The following TECTA variants were observed in gnomAD, a reference collection of about 807,000 sequenced individuals.
The protein encoded by TECTA is alpha-tectorin.
Under a neutral mutation model 216.8 loss-of-function variants are expected in TECTA, and 128 were observed. The observed-to-expected ratio is 0.59, with a 90% CI of 0.51 to 0.68. The LOEUF (loss-of-function observed/expected upper bound fraction) is 0.68, where lower values mean the gene tolerates loss of function less well. Among genes scored for constraint, TECTA ranks in the 30% least tolerant of loss-of-function variants. The probability of loss-of-function intolerance (pLI) is 0.00; values close to 1 mark genes in which losing one functional copy is unlikely to be tolerated. For missense variants in TECTA, 2,551 were observed against 2,786.2 expected (o/e 0.92, Z 1.90); for synonymous variants, 1,089 against 1,117.1 (o/e 0.97, Z 0.50).
rs1946833636 is a variant in TECTA, at chr11:121,146,009, T to C, written c.3998T>C (p.Ile1333Thr). Residue 1333 changes from isoleucine to threonine, a missense_variant, in exon 12 of 24, where the codon ATC becomes ACC. This residue lies in a region of TECTA where 2,375 missense variants were observed against 2,563.9 expected (regional missense o/e 0.93). Coordinates refer to ENST00000392793, the MANE Select transcript of TECTA (RefSeq NM_005422.4). ...FYKNCLFDSCIDGGAVQTACS... is the reference protein window; with the variant it reads ...FYKNCLFDSCTDGGAVQTACS... ...AAGAACTGCCTGTTTGACTCTTGCA[T>C]CGATGGGGGCGCGGTGCAGACCGCC... is the stretch of plus-strand genomic sequence containing the variant. The C allele has an allele frequency of 6.2e-7, 1 of 1,614,166 alleles. No homozygotes were observed. The highest frequency in any genetic ancestry group is 1.3e-5 in the African/African-American group (1 of 75,066).
At chr11:121,145,032 G>A (rs913809995) in intron 11 of TECTA, among the ~76,000 whole-genome samples, 1 of 152,210 alleles carries the variant, frequency 6.6e-6, no homozygotes, top group Non-Finnish European at 1.5e-5. Context: ...ACTTACAGAA[G>A]AGGTGACATT....
rs773042999 is a variant in TECTA at position 121,129,969 on chromosome 11, C to T, written c.2699C>T (p.Ser900Leu). ...CTGCTGAAGGCCTGCAACAATGACTCGGAGCTGCTCAAGTTTTATCGAAGC... is the reference window on the plus strand; with the variant it reads ...CTGCTGAAGGCCTGCAACAATGACTTGGAGCTGCTCAAGTTTTATCGAAGC... The part of the protein sequence containing the change: ...GDLLKACNND[S>L]ELLKFYRSRS... Residue 900 changes from serine to leucine, a missense_variant, in exon 10 of 24, where the codon TCG (serine) becomes TTG (leucine). Around this residue, in one of 3 missense-constraint regions of TECTA, gnomAD observed 2,375 missense variants for 2,563.9 expected, o/e 0.93. Coordinates refer to ENST00000392793, the MANE Select transcript of TECTA (RefSeq NM_005422.4). 34 of 1,605,018 alleles carry T rather than the reference C, an allele frequency of 2.1e-5. No homozygotes were observed. The highest frequency in any genetic ancestry group is 1.1e-4 in the East Asian group (5 of 44,774).
chr11:121,161,488 T>C (rs1946997105), intron 15 of TECTA, among the ~76,000 whole-genome samples: 1 of 143,782 alleles, frequency 7.0e-6, no homozygotes, highest in South Asian at 2.3e-4. Flanking sequence ...TCCTGAGGAA[T>C]TATGATTCTG....
intron 10 of TECTA, among the ~76,000 whole-genome samples, chr11:121,132,777 T>G (rs893618935): frequency 2.0e-5 from 3 of 152,200 alleles, no homozygotes; most frequent in Admixed American, 6.5e-5. Flanking sequence ...TGGAGTGCAG[T>G]GGCATGACCT....
chr11:121,168,502 T>C (rs1164919140), intron 19 of TECTA, 175 bp from the exon 20 acceptor site: 2 of 985,306 alleles, frequency 2.0e-6, no homozygotes, highest in Non-Finnish European at 3.0e-6. Context: ...TAATTTCATT[T>C]CATTTAAATG....
chr11:121,184,919 C>T (rs1480792043), intron 20 of TECTA, among the ~76,000 whole-genome samples: 1 of 152,186 alleles, frequency 6.6e-6, no homozygotes, highest in African/African-American at 2.4e-5. Context: ...ATCCTTTTGT[C>T]CATGTTTCTT....
chr11:121,167,920 A>G (rs1947071143), intron 18 of TECTA, 134 bp from the exon 19 acceptor site: 1 of 1,004,208 alleles, frequency 1.0e-6, no homozygotes, highest in African/African-American at 1.6e-5. Flanking sequence ...GGCTAGCTCC[A>G]TGCTGATTTA....
intron 3 of TECTA, among the ~76,000 whole-genome samples, chr11:121,107,647 C>T (rs1436249073): frequency 6.6e-6 from 1 of 152,198 alleles, no homozygotes; most frequent in Non-Finnish European, 1.5e-5. Flanking sequence ...ATTACAGGTA[C>T]CTCTGCTGCT....
chr11:121,188,072 C>T (rs1049267039), intron 21 of TECTA, 78 bp downstream of exon 21: 46 of 1,512,164 alleles, frequency 3.0e-5, no homozygotes, highest in Non-Finnish European at 4.2e-5. Flanking sequence ...ATCGTGAATG[C>T]CAGGTGACCG....
chr11:121,113,160 C>A lies in TECTA; in HGVS notation c.575C>A (p.Thr192Lys). ...NYYEINWTTGTASGGDPLTGL... is the reference protein window; with the variant it reads ...NYYEINWTTGKASGGDPLTGL... ...TACGAAATCAACTGGACCACGGGGACGGCGAGTGGCGGCGACCCCCTGACA... is the reference window on the plus strand; with the variant it reads ...TACGAAATCAACTGGACCACGGGGAAGGCGAGTGGCGGCGACCCCCTGACA... Residue 192 changes from threonine (T) to lysine (K), a missense_variant, in exon 5 of 24, where the codon ACG becomes AAG. Around this residue, in one of 3 missense-constraint regions of TECTA, gnomAD observed 2,375 missense variants for 2,563.9 expected, o/e 0.93. Transcript: ENST00000392793. The surrounding 1 kb of genome is among the most constrained non-coding windows in gnomAD (Gnocchi z 4.2). The A allele has an allele frequency of 6.2e-7, 1 of 1,613,786 alleles. No homozygotes were observed. The highest frequency in any genetic ancestry group is 8.5e-7 in the Non-Finnish European group (1 of 1,179,956).
In TECTA at chr11:121,147,741, C is replaced by T. The variant is rs180824311; in HGVS notation, c.4105+1625C>T. 5.2e-3 allele frequency among the ~76,000 whole-genome samples: 786 copies of T among 152,276 alleles called. 3 individuals carry two copies. The highest frequency in any genetic ancestry group is 9.6e-3 in the Non-Finnish European group (655 of 68,004). ...AAAGCTCTGCTGTTTCCCCTTGAGA[C>T]ATGTTGTGGAGACTTCCCTCTTCAC... On this transcript the variant is annotated intron_variant, in intron 12 of 23. Transcript: ENST00000392793.
intron 11 of TECTA, among the ~76,000 whole-genome samples, chr11:121,141,895 A>C (rs1026092897): frequency 5.9e-5 from 9 of 152,232 alleles, no homozygotes; most frequent in African/African-American, 2.2e-4. Flanking sequence ...TGTCCATGTA[A>C]CATGAAGTGC....
Position 121,190,926 on chromosome 11 carries a change from C to G in TECTA, c.*120C>G. 1.3e-6 allele frequency: 1 copy of G among 756,566 alleles called. No individual in the cohort carries two copies. Among genetic ancestry groups the G allele is most frequent in the South Asian group, 1.5e-5 (1 of 67,428 alleles). The allele number at this position is 756,566 out of a possible 1,614,324, so 46.9% of individuals were successfully genotyped here. A position where few individuals can be genotyped will look rare whatever the true frequency, so the allele number is the denominator to read the frequency against. On this transcript the variant is annotated 3_prime_UTR_variant, in exon 24 of 24. Transcript: ENST00000392793. Reference sequence around the variant, plus strand: ...AAGTGTCCAGCATCTCAAAATGATGCCACCTGCCTCCAATGGTCCAAGGTC... The same window carrying G: ...AAGTGTCCAGCATCTCAAAATGATGGCACCTGCCTCCAATGGTCCAAGGTC...
chr11:121,112,614 C>T (rs1355364839), intron 4 of TECTA, among the ~76,000 whole-genome samples: 14 of 152,178 alleles, frequency 9.2e-5, no homozygotes, highest in Admixed American at 5.9e-4. Flanking sequence ...AGAGAGAGAG[C>T]GCAATCCGCA....
chr11:121,102,619 C>A, intron 1 of TECTA, 46 bp from the exon 2 acceptor site: 1 of 1,518,122 alleles, frequency 6.6e-7, no homozygotes. Context: ...TCTGTTTACT[C>A]TGGCAAGCTG....
rs1946987162 is a variant in TECTA, at chr11:121,160,381, G to A, written c.4936G>A (p.Val1646Met). The stretch of plus-strand genomic sequence containing the variant: ...AGGGAAGCCGGTGGTAAGCAGCGTG[G>A]TGCTGGCCCAGAGCTGGAAAACCAA... ...LRGKPVVSSV[V>M]LAQSWKTNGM... is the part of the protein sequence containing the mutation. Residue 1646 changes from valine (V) to methionine (M), a missense_variant, in exon 15 of 24, where the codon GTG becomes ATG. By Grantham distance (21) the Val-to-Met change is conservative. Around this residue, in one of 3 missense-constraint regions of TECTA, gnomAD observed 2,375 missense variants for 2,563.9 expected, o/e 0.93. Transcript: ENST00000392793. 23 of 1,613,250 alleles carry A rather than the reference G, an allele frequency of 1.4e-5. No homozygotes were observed. In the East Asian group the frequency reaches 5.1e-4, roughly 36 times the overall value.
At chr11:121,104,400 C>T (rs1177284445) in intron 2 of TECTA, among the ~76,000 whole-genome samples, 1 of 152,098 alleles carries the variant, frequency 6.6e-6, no homozygotes, top group Non-Finnish European at 1.5e-5. Flanking sequence ...CTCCTACAGC[C>T]TCAAATTCGG....
Position 121,128,326 on chromosome 11 carries a change from C to T in TECTA, c.2349C>T (p.Ile783=), listed in dbSNP as rs369261753. Residue 783 remains isoleucine, a synonymous_variant, in exon 9 of 24, where the codon ATC becomes ATT. Transcript: ENST00000392793. ...VADQEVKIGG[I]GASEVKLNGQ... is the part of the protein sequence containing the mutation. ...ACCAGGAGGTCAAGATAGGAGGCAT[C>T]GGGGCTTCGGAAGTCAAGGTAAGGC... The T allele has an allele frequency of 1.6e-5, 25 of 1,599,456 alleles. No individual in the cohort carries two copies. The highest frequency in any genetic ancestry group is 2.0e-5 in the Non-Finnish European group (24 of 1,179,930).
At chr11:121,184,894 G>A (rs919287674) in intron 20 of TECTA, among the ~76,000 whole-genome samples, 1 of 152,148 alleles carries the variant, frequency 6.6e-6, no homozygotes, top group Admixed American at 6.5e-5. Flanking sequence ...AGATGAGTGG[G>A]TGAGCATCAC....
Sources: gnomAD v4.1 joint callset for allele counts (sites outside exome capture counted in the v4.1 genomes callset) on GRCh38, gnomAD v4.1.1 for gene constraint, gnomAD v4.1.1 regional missense constraint, Gnocchi (gnomAD v3.1) non-coding constraint, MANE v1.5 for transcripts, NCBI Gene and HGNC (gene_info 2026-07-23, HGNC 2026-07-21) for gene names.